Variants in ST7L observed in about 807,000 individuals in gnomAD.
ST7L encodes the protein suppression of tumorigenicity 7 like, also known as suppressor of tumorigenicity 7 protein-like.
A neutral mutation model predicts 72.5 loss-of-function variants in ST7L; 57 were observed. The observed-to-expected ratio is 0.79, with a 90% confidence interval of 0.64 to 0.98. The LOEUF (loss-of-function observed/expected upper bound fraction) is 0.98, where lower values mean the gene tolerates loss of function less well. Among genes scored for constraint, ST7L ranks in the 50% least tolerant of loss-of-function variants. The pLI, the probability that ST7L is intolerant of heterozygous loss-of-function variation, is 0.00. For missense variants in ST7L, 576 were observed against 672.2 expected (o/e 0.86, Z 1.58); for synonymous variants, 221 against 240.9 (o/e 0.92, Z 0.77).
intron 13 of ST7L, among the ~76,000 whole-genome samples, chr1:112,550,271 T>C (rs1242570284): frequency 6.6e-6 from 1 of 152,214 alleles, no homozygotes; most frequent in Non-Finnish European, 1.5e-5. Flanking sequence ...AAAATACTGC[T>C]CTCATCAAAT....
At chr1:112,528,006 G>T (rs1425740829) in intron 14 of ST7L, 1 of 152,170 alleles carries the variant, frequency 6.6e-6, no homozygotes, top group Non-Finnish European at 1.5e-5. Flanking sequence ...GAATAATTAT[G>T]CTTACTGGGT....
In ST7L at chr1:112,603,473, GAGA is replaced by G. The variant is rs765245334; in HGVS notation, c.452-2628_452-2626del. Among the ~76,000 whole-genome samples, 42 of 152,314 alleles carry G rather than the reference GAGA, an allele frequency of 2.8e-4. 1 individual carries two copies. The East Asian group carries it at 4.6e-3, about 17-fold the overall frequency. ...CAAAAAAAGGTATCCACAATTTTCT[GAGA>G]AGATTATTAAAATACTCCTCCCCTT... On this transcript the variant is annotated intron_variant, in intron 3 of 14. Coordinates refer to ENST00000358039, the MANE Select transcript of ST7L (RefSeq NM_017744.5).
At chr1:112,518,919 G>C (rs1222829681), downstream of ST7L, among the ~76,000 whole-genome samples, 1 of 152,186 alleles carries the variant, frequency 6.6e-6, no homozygotes, top group African/African-American at 2.4e-5. Flanking sequence ...GTAGCAACTA[G>C]CCACATGTGA....
chr1:112,521,234 C>T (rs1384686365), downstream of ST7L: 1 of 151,412 alleles, frequency 6.6e-6, no homozygotes, highest in East Asian at 1.9e-4. Flanking sequence ...GGTTCCCATG[C>T]TTAACAAATC....
upstream of ST7L, chr1:112,619,412 C>G (rs1329625617): frequency 2.2e-5 from 12 of 543,458 alleles, no homozygotes; most frequent in Admixed American, 1.0e-4. Flanking sequence ...ACACCGCCCC[C>G]CCCCCGGGGT....
intron 13 of ST7L, among the ~76,000 whole-genome samples, chr1:112,547,961 T>TA (rs1657438299): frequency 6.6e-6 from 1 of 152,152 alleles, no homozygotes; most frequent in African/African-American, 2.4e-5. Flanking sequence ...GTTAAGTACT[T>TA]ACAATGTGCC....
intron 11 of ST7L, among the ~76,000 whole-genome samples, chr1:112,560,263 G>A (rs1012150085): frequency 5.3e-5 from 8 of 151,988 alleles, no homozygotes; most frequent in Non-Finnish European, 8.8e-5. Context: ...GCGTGGTGGC[G>A]GGCGCCTGTA....
At position 112,604,295 on chromosome 1, in the gene ST7L, C is replaced by T. The variant is rs181790108; in HGVS notation, c.452-3447G>A. On this transcript the variant is annotated intron_variant, in intron 3 of 14. Transcript: ENST00000358039. ...CTATACTTTAGCCTAGGCAACAGAG[C>T]GAGACTTCATCACAAAATAAATAAA... is the stretch of plus-strand genomic sequence containing the variant. Among the ~76,000 whole-genome samples, 27 of 152,148 alleles carry T rather than the reference C, an allele frequency of 1.8e-4. 1 individual carries two copies. Among genetic ancestry groups the T allele is most frequent in the Middle Eastern group, 6.8e-3 (2 of 294 alleles).
intron 1 of ST7L, among the ~76,000 whole-genome samples, chr1:112,617,648 G>T (rs531461098): frequency 7.3e-4 from 111 of 151,562 alleles, no homozygotes; most frequent in African/African-American, 2.6e-3. Flanking sequence ...AGAGTTCAAG[G>T]CTGCAGTGAT....
chr1:112,619,093 C>G lies in ST7L; in HGVS notation c.21G>C (p.Val7=). 1 of 1,613,354 alleles carries G rather than the reference C, an allele frequency of 6.2e-7. No individual in the cohort carries two copies. Among genetic ancestry groups the G allele is most frequent in the Non-Finnish European group, 8.5e-7 (1 of 1,179,904 alleles). Residue 7 remains valine, a synonymous_variant, in exon 1 of 15, where the codon GTG becomes GTC. Coordinates refer to ENST00000358039, the MANE Select transcript of ST7L (RefSeq NM_017744.5). Reference sequence around the variant, plus strand: ...ACGCTCCAACAGCTGCGGCTTCACCCACGCCGCCACGGTCCGCCATCTTGC... The same window carrying G: ...ACGCTCCAACAGCTGCGGCTTCACCGACGCCGCCACGGTCCGCCATCTTGC... MADRGG[V]GEAAAVGASP... is the part of the protein sequence containing the mutation.
intron 14 of ST7L, among the ~76,000 whole-genome samples, chr1:112,537,048 TGC>T (rs1655329042): frequency 6.6e-6 from 1 of 151,496 alleles, no homozygotes; most frequent in Non-Finnish European, 1.5e-5. Context: ...CAGGCTGGAG[TGC>T]AGCGACGCGA....
intron 3 of ST7L, among the ~76,000 whole-genome samples, chr1:112,604,255 G>A (rs946577144): frequency 3.9e-5 from 6 of 152,144 alleles, no homozygotes; most frequent in African/African-American, 1.4e-4. Context: ...GTTGCAGTGA[G>A]CCGAAATGGT....
intron 3 of ST7L, among the ~76,000 whole-genome samples, chr1:112,606,400 T>G (rs1045276435): frequency 2.6e-5 from 4 of 152,206 alleles, no homozygotes; most frequent in African/African-American, 9.6e-5. Context: ...CTCCCCAAAA[T>G]GCTAGAATAC....
intron 2 of ST7L, among the ~76,000 whole-genome samples, chr1:112,614,674 T>C (rs1414798245): frequency 1.3e-5 from 2 of 152,052 alleles, no homozygotes; most frequent in African/African-American, 4.8e-5. Flanking sequence ...AGGCTGGGCA[T>C]GGTGGTTCAC....
intron 9 of ST7L, among the ~76,000 whole-genome samples, chr1:112,579,497 ATAT>A (rs1476284211): frequency 6.6e-6 from 1 of 151,942 alleles, no homozygotes; most frequent in Admixed American, 6.6e-5. Context: ...AGAAAAACTA[ATAT>A]TAGAAAAAAA....
intron 11 of ST7L, among the ~76,000 whole-genome samples, chr1:112,562,951 G>A (rs1024297918): frequency 6.6e-6 from 1 of 152,174 alleles, no homozygotes; most frequent in Admixed American, 6.5e-5. Flanking sequence ...GTTTAGAAAT[G>A]CGTAGAAAAT....
At chr1:112,553,031 G>A (rs1276851385) in intron 12 of ST7L, among the ~76,000 whole-genome samples, 3 of 151,740 alleles carry the variant, frequency 2.0e-5, no homozygotes, top group Non-Finnish European at 2.9e-5. Flanking sequence ...TGCACAAAAT[G>A]AGTGAGACAG....
chr1:112,618,351 T>TCC, intron 1 of ST7L: 3 of 799,726 alleles, frequency 3.8e-6, no homozygotes, highest in Middle Eastern at 6.3e-4. Context: ...CCTGTACTAT[T>TCC]TTATTACTCA....
chr1:112,520,766 A>AG (rs1652827860), downstream of ST7L: 1 of 540,228 alleles, frequency 1.9e-6, no homozygotes, highest in Admixed American at 3.2e-5. Context: ...TAGAAGAGAT[A>AG]GGGGGTCTTT....
Sources: allele counts gnomAD v4.1 joint callset (sites outside exome capture counted in the v4.1 genomes callset), GRCh38; gene constraint gnomAD v4.1.1; transcripts MANE v1.5; gene names NCBI Gene and HGNC (gene_info 2026-07-23, HGNC 2026-07-21).